CCSER1: variants seen among roughly 807,000 people sequenced by gnomAD.
The protein encoded by CCSER1 is serine-rich coiled-coil domain-containing protein 1.
CCSER1 carries 41 observed loss-of-function variants against 82.0 expected under a neutral mutation model. The ratio of observed to expected loss-of-function variants is 0.50; its 90% confidence interval spans 0.39 to 0.65. CCSER1 has a LOEUF of 0.65. Among genes scored for constraint, CCSER1 ranks in the 30% least tolerant of loss-of-function variants. The pLI is 0.00. For synonymous variants in CCSER1, 414 were observed against 383.9 expected (o/e 1.08, Z -0.92); for missense variants, 1,119 against 1,064.2 (o/e 1.05, Z -0.72).
intron 6 of CCSER1, among the ~76,000 whole-genome samples, chr4:90,650,324 G>T (rs983315725): frequency 6.6e-6 from 1 of 152,024 alleles, no homozygotes; most frequent in Non-Finnish European, 1.5e-5. Context: ...CATGTTTTCT[G>T]TAAAATAAGA....
intron 4 of CCSER1, among the ~76,000 whole-genome samples, chr4:90,447,053 TTAG>T (rs1272619565): frequency 6.6e-6 from 1 of 152,200 alleles, no homozygotes; most frequent in Non-Finnish European, 1.5e-5. Flanking sequence ...CAGTAGGTTA[TTAG>T]TAGTTAAATT....
chr4:91,524,636 G>A (rs1013779773), intron 10 of CCSER1, among the ~76,000 whole-genome samples: 6 of 151,994 alleles, frequency 3.9e-5, no homozygotes, highest in African/African-American at 1.2e-4. Flanking sequence ...ATGAGAGAAG[G>A]GAACCTTGCA....
At chr4:90,538,880 TA>T (rs2153634797) in intron 5 of CCSER1, among the ~76,000 whole-genome samples, 1 of 152,186 alleles carries the variant, frequency 6.6e-6, no homozygotes, top group Non-Finnish European at 1.5e-5. Flanking sequence ...TATTTTAAAT[TA>T]TTTTTCCAGT....
chr4:91,452,544 T>C (rs1224045460), intron 10 of CCSER1, among the ~76,000 whole-genome samples: 1 of 152,022 alleles, frequency 6.6e-6, no homozygotes, highest in Non-Finnish European at 1.5e-5. Context: ...GTCACTCCTT[T>C]GAGAACATTT....
intron 5 of CCSER1, among the ~76,000 whole-genome samples, chr4:90,562,841 C>CT (rs535276224): frequency 0.018 from 2,401 of 133,360 alleles, 46 homozygotes; most frequent in African/African-American, 0.054. Context: ...CCCAGCCTCC[C>CT]TTTTTTTTTT....
intron 6 of CCSER1, among the ~76,000 whole-genome samples, chr4:90,698,968 G>A (rs190483962): frequency 1.3e-5 from 2 of 152,032 alleles, no homozygotes; most frequent in African/African-American, 2.4e-5. Flanking sequence ...CAGGGTGGTG[G>A]TGTGCACCTG....
chr4:90,339,197 T>G (rs1301438404), intron 3 of CCSER1, among the ~76,000 whole-genome samples: 1 of 152,184 alleles, frequency 6.6e-6, no homozygotes, highest in Non-Finnish European at 1.5e-5. Flanking sequence ...GTGTTCCTTC[T>G]CTGAGAACTC....
chr4:91,563,460 GA>G (rs1351250055), intron 10 of CCSER1, among the ~76,000 whole-genome samples: 15 of 151,428 alleles, frequency 9.9e-5, no homozygotes, highest in African/African-American at 4.8e-5. Flanking sequence ...AAAAGCATTT[GA>G]AAAAAAGTCA....
In CCSER1 at chr4:91,196,723, G is replaced by C. The variant is rs1479305083; in HGVS notation, c.2217+110729G>C. Among the ~76,000 whole-genome samples, 3 of 152,300 alleles carry C rather than the reference G, an allele frequency of 2.0e-5. No individual in the cohort carries two copies. The South Asian group carries it at 6.2e-4, about 32-fold the overall frequency. On this transcript the variant is annotated intron_variant, in intron 10 of 10. Transcript: ENST00000509176. The stretch of plus-strand genomic sequence containing the variant: ...AGGTGGCTTTCAATGCATTGAGCTA[G>C]AGTCATCGAATTCAGGTTGATCTCA...
intron 2 of CCSER1, among the ~76,000 whole-genome samples, chr4:90,311,638 A>G (rs1031747565): frequency 6.6e-6 from 1 of 152,176 alleles, no homozygotes; most frequent in Non-Finnish European, 1.5e-5. Context: ...ATTTTGTATG[A>G]AATATTTAAG....
chr4:91,067,719 G>A lies in CCSER1; in HGVS notation c.2173-18231G>A, dbSNP rs116917303. ...TAGATAAAAACGAAGTCCCTAAGGA[G>A]CCTCAGTGTTTCTCACAGGTTTCTG... On this transcript the variant is annotated intron_variant, in intron 9 of 10. Coordinates refer to ENST00000509176, the MANE Select transcript of CCSER1 (RefSeq NM_001145065.2). 3.2e-3 allele frequency among the ~76,000 whole-genome samples: 486 copies of A among 152,284 alleles called. 7 individuals carry two copies. The highest frequency in any genetic ancestry group is 0.031 in the East Asian group (160 of 5,184).
At chr4:90,952,137 C>A (rs1310847120) in intron 9 of CCSER1, among the ~76,000 whole-genome samples, 1 of 151,976 alleles carries the variant, frequency 6.6e-6, no homozygotes, top group Non-Finnish European at 1.5e-5. Flanking sequence ...AATACTTTTT[C>A]TGTTGATATA....
At chr4:90,220,665 A>C (rs1267961715) in intron 1 of CCSER1, among the ~76,000 whole-genome samples, 3 of 152,188 alleles carry the variant, frequency 2.0e-5, no homozygotes, top group Non-Finnish European at 2.9e-5. Flanking sequence ...AATCTTGTGC[A>C]TTTGCGACAG....
intron 1 of CCSER1, among the ~76,000 whole-genome samples, chr4:90,271,846 ATATATATATATATATATTTTTTTTT>A (rs1465083338): frequency 6.0e-4 from 15 of 24,832 alleles, no homozygotes; most frequent in African/African-American, 2.9e-3. Flanking sequence ...ATATATATAT[ATATATATATATATATATTTTTTTTT>A]TTTTTTTTTT....
intron 5 of CCSER1, among the ~76,000 whole-genome samples, chr4:90,530,798 C>T (rs957211975): frequency 2.6e-5 from 4 of 152,108 alleles, no homozygotes; most frequent in Non-Finnish European, 5.9e-5. Context: ...TTATCTGCTC[C>T]TGGCTTCTGC....
intron 10 of CCSER1, chr4:91,112,494 T>A (rs1726178872): frequency 6.6e-6 from 1 of 152,144 alleles, no homozygotes; most frequent in Non-Finnish European, 1.5e-5. Flanking sequence ...TTATCTTTGT[T>A]CTTTCCTCCT....
intron 4 of CCSER1, among the ~76,000 whole-genome samples, chr4:90,425,581 C>G (rs1418046651): frequency 2.6e-5 from 4 of 152,164 alleles, no homozygotes; most frequent in Non-Finnish European, 5.9e-5. Context: ...AGGTCTTTCC[C>G]AAATGGATTT....
At chr4:91,157,649 C>A (rs1730946497) in intron 10 of CCSER1, among the ~76,000 whole-genome samples, 1 of 151,982 alleles carries the variant, frequency 6.6e-6, no homozygotes, top group Non-Finnish European at 1.5e-5. Context: ...AGGGACAGCA[C>A]TTAGAGTACC....
chr4:91,346,500 A>T (rs1054228211), intron 10 of CCSER1, among the ~76,000 whole-genome samples: 5 of 152,218 alleles, frequency 3.3e-5, no homozygotes, highest in Non-Finnish European at 7.3e-5. Flanking sequence ...TTAGGTAAAT[A>T]CTAAGGAGCA....
Sources: allele counts gnomAD v4.1 joint callset (sites outside exome capture counted in the v4.1 genomes callset), GRCh38; gene constraint gnomAD v4.1.1; transcripts MANE v1.5; gene names NCBI Gene and HGNC (gene_info 2026-07-23, HGNC 2026-07-21).